Variants in TLE2 observed in about 807,000 individuals in gnomAD.
TLE2 encodes transducin-like enhancer protein 2.
Under a neutral mutation model 97.2 loss-of-function variants are expected in TLE2, and 74 were observed. That is an observed-to-expected ratio of 0.76 (90% CI 0.63 to 0.92). TLE2 has a LOEUF of 0.92. Ranked by LOEUF, TLE2 falls within the 40% of genes least tolerant of loss-of-function variation. The pLI is 0.00. For missense variants in TLE2, 1,038 were observed against 1,008.7 expected (o/e 1.03, Z -0.39); for synonymous variants, 499 against 432.1 (o/e 1.15, Z -1.92).
chr19:3,017,969 C>T, intron 7 of TLE2, 110 bp from the exon 8 acceptor site: 2 of 952,864 alleles, frequency 2.1e-6, no homozygotes, highest in Non-Finnish European at 3.2e-6. Flanking sequence ...CCGCCCCCAC[C>T]ACCCCACTCA....
At chr19:3,003,332 C>G (rs1168128350) in intron 17 of TLE2, among the ~76,000 whole-genome samples, 3 of 152,112 alleles carry the variant, frequency 2.0e-5, no homozygotes, top group African/African-American at 7.2e-5. Flanking sequence ...GGTCACAGAG[C>G]AAGACTATGA....
At chr19:3,011,629 C>G (rs578104458) in intron 11 of TLE2, among the ~76,000 whole-genome samples, 2 of 151,806 alleles carry the variant, frequency 1.3e-5, no homozygotes, top group South Asian at 4.2e-4. Flanking sequence ...GCCGGTGGAT[C>G]ACTTGAGGTC....
At chr19:3,026,470 A>T (rs2089945992) in intron 4 of TLE2, among the ~76,000 whole-genome samples, 1 of 151,972 alleles carries the variant, frequency 6.6e-6, no homozygotes, top group African/African-American at 2.4e-5. Flanking sequence ...AAAAAAAAAA[A>T]AAAAAAAAAT....
In TLE2 at chr19:3,028,711, G is replaced by T. The variant is rs1183106615; in HGVS notation, c.117C>A (p.Tyr39Ter). The T allele has an allele frequency of 6.2e-7, 1 of 1,612,770 alleles. No individual in the cohort carries two copies. Among genetic ancestry groups the T allele is most frequent in the Non-Finnish European group, 8.5e-7 (1 of 1,179,788 alleles). ...CCTGGGGCGGCCCCCCTCACCTGTG[G>T]TATTGAGCCTGAAGAAACTGGAATT... ...KEEFQFLQAQYHSLKLECEKL... is the reference protein window; with the variant it reads ...KEEFQFLQAQ Residue 39 changes from tyrosine (Y) to a stop codon, truncating the protein, a stop_gained, in exon 2 of 20, where the codon TAC becomes TAA. Transcript: ENST00000262953. LOFTEE classifies it high-confidence loss of function.
chr19:3,022,076 TCTCA>T (rs902952537), intron 5 of TLE2, among the ~76,000 whole-genome samples: 31 of 150,958 alleles, frequency 2.1e-4, no homozygotes, highest in Non-Finnish European at 2.9e-5. Context: ...TAAGCCGGAG[TCTCA>T]CTCTGTCGCA....
chr19:3,041,702 C>T (rs306045), intron 1 of TLE2, among the ~76,000 whole-genome samples: 12,845 of 152,306 alleles, frequency 0.084, 629 homozygotes, highest in Middle Eastern at 0.13. Flanking sequence ...GGTCGAGAGG[C>T]GCTCCGTCTG....
chr19:3,012,742 A>T (rs538945024), intron 11 of TLE2, among the ~76,000 whole-genome samples: 2 of 152,156 alleles, frequency 1.3e-5, no homozygotes, highest in South Asian at 4.2e-4. Context: ...AGGCTCTGTT[A>T]TCTCGGCTTC....
chr19:3,039,131 T>C (rs2090082087), intron 1 of TLE2, among the ~76,000 whole-genome samples: 3 of 151,550 alleles, frequency 2.0e-5, no homozygotes, highest in African/African-American at 7.3e-5. Context: ...ACAGAATTGC[T>C]TGAACCCGGG....
At chr19:3,044,946 G>A (rs868591217) in intron 1 of TLE2, among the ~76,000 whole-genome samples, 5 of 152,312 alleles carry the variant, frequency 3.3e-5, no homozygotes, top group Admixed American at 1.3e-4. Flanking sequence ...AGCCGGGCGC[G>A]GTGGCTCATG....
rs1262150335 is a variant in TLE2, at chr19:3,028,361, C to T, written c.144G>A (p.Lys48=). ...GCATTTCCGTCTTCTCGCTGGCCAG[C>T]TTCTCACATTCTAGCTTGAGGCTGA... ...QYHSLKLECE[K]LASEKTEMQR... Residue 48 remains lysine (K), a synonymous_variant, in exon 3 of 20, where the codon AAG becomes AAA. Coordinates refer to ENST00000262953, the MANE Select transcript of TLE2 (RefSeq NM_003260.5). The T allele has an allele frequency of 6.2e-7, 1 of 1,609,014 alleles. No homozygotes were observed. The highest frequency in any genetic ancestry group is 1.3e-5 in the African/African-American group (1 of 74,950).
intron 7 of TLE2, among the ~76,000 whole-genome samples, 195 bp from the exon 8 acceptor site, chr19:3,018,054 A>AG (rs1169521963): frequency 6.6e-6 from 1 of 151,336 alleles, no homozygotes; most frequent in African/African-American, 2.4e-5. Flanking sequence ...ATGCCCAGAG[A>AG]GGGATAGTGA....
At chr19:3,047,172 A>C (rs7258928), upstream of TLE2, among the ~76,000 whole-genome samples, 5 of 52,152 alleles carry the variant, frequency 9.6e-5, no homozygotes, top group East Asian at 2.0e-3. Flanking sequence ...CCCTCCCCCT[A>C]CCCTCCCCCG....
intron 1 of TLE2, among the ~76,000 whole-genome samples, chr19:3,038,263 A>C (rs996640936): frequency 1.3e-5 from 2 of 152,172 alleles, no homozygotes; most frequent in African/African-American, 4.8e-5. Flanking sequence ...TCTGGAGTGC[A>C]GTGCCACCGT....
At position 3,013,652 on chromosome 19, in the gene TLE2, C is replaced by A; in HGVS notation, c.873+17G>T. The A allele has an allele frequency of 7.4e-7, 1 of 1,356,046 alleles. No individual in the cohort carries two copies. The highest frequency in any genetic ancestry group is 2.3e-5 in the South Asian group (1 of 43,370). 84.0% of individuals were successfully genotyped at this position (1,356,046 alleles called of 1,614,324 possible). ...GGATGAATAAAGTGAGTTTCAAGGC[C>A]CTCCCCTCCTCCTTACCAGGATGAG... On this transcript the variant is annotated intron_variant, in intron 11 of 19. Transcript: ENST00000262953.
At position 3,005,794 on chromosome 19, in the gene TLE2, C is replaced by A. The variant is rs1264884364; in HGVS notation, c.1675G>T (p.Ala559Ser). The change falls in exon 16 of 20, where the codon GCC becomes TCC. Residue 559 changes from alanine (A) to serine (S), a missense_variant. Physicochemically the swap from Ala to Ser is moderately conservative, Grantham distance 99. Coordinates refer to ENST00000262953, the MANE Select transcript of TLE2 (RefSeq NM_003260.5). The stretch of plus-strand genomic sequence containing the variant: ...CTGCAGCAGGAGAAGCAAACCTTGG[C>A]GTCGGGGCTGACGGCCAGGGCGTAG... ...ACYALAVSPDAKVCFSCCSDG... is the reference protein window; with the variant it reads ...ACYALAVSPDSKVCFSCCSDG... 8 of 1,613,852 alleles carry A rather than the reference C, an allele frequency of 5.0e-6. No individual in the cohort carries two copies. The highest frequency in any genetic ancestry group is 2.7e-5 in the African/African-American group (2 of 74,934).
Position 3,019,403 on chromosome 19 carries a change from C to G in TLE2, c.430G>C (p.Gly144Arg), listed in dbSNP as rs766498805. ...PPVPLTPRPAGLVGGSATGLL... is the reference protein window; with the variant it reads ...PPVPLTPRPARLVGGSATGLL... The stretch of plus-strand genomic sequence containing the variant: ...CCCGTAGCACTGCCGCCCACCAGCC[C>G]GGCTGGGCGGGGGGTGAGGGGCACA... The change falls in exon 7 of 20, where the codon GGG (glycine) becomes CGG (arginine). Residue 144 changes from glycine (G) to arginine (R), a missense_variant. Transcript: ENST00000262953. This position sits in a 1 kb window ranked among gnomAD's most constrained non-coding sequence, Gnocchi z 5.1. 18 of 1,539,996 alleles carry G rather than the reference C, an allele frequency of 1.2e-5. No homozygotes were observed. The highest frequency in any genetic ancestry group is 1.6e-5 in the Non-Finnish European group (18 of 1,148,566).
At chr19:3,018,301 T>TTTA (rs2089758472) in intron 7 of TLE2, among the ~76,000 whole-genome samples, 1 of 151,812 alleles carries the variant, frequency 6.6e-6, no homozygotes, top group Non-Finnish European at 1.5e-5. Context: ...TTGGCATTTA[T>TTTA]TTATTTATTT....
chr19:3,045,881 G>C, upstream of TLE2: 1 of 334,432 alleles, frequency 3.0e-6, no homozygotes, highest in South Asian at 2.3e-5. Context: ...TTTGAATCCA[G>C]ATTCCCTGGC....
At chr19:2,999,438 G>A (rs888374026) in intron 19 of TLE2, among the ~76,000 whole-genome samples, 2 of 152,050 alleles carry the variant, frequency 1.3e-5, no homozygotes, top group African/African-American at 2.4e-5. Flanking sequence ...TATAAAATTT[G>A]AAAAACAGGC....
Sources: allele counts gnomAD v4.1 joint callset (sites outside exome capture counted in the v4.1 genomes callset), GRCh38; gene constraint gnomAD v4.1.1; non-coding constraint Gnocchi (gnomAD v3.1); transcripts MANE v1.5; gene names NCBI Gene and HGNC (gene_info 2026-07-23, HGNC 2026-07-21).